The following RBM3 variants were observed in gnomAD, a reference collection of about 807,000 sequenced individuals.
The protein encoded by RBM3 is RNA-binding protein 3.
In RBM3, 3 loss-of-function variants were observed where a neutral mutation model predicts 12.0. The observed-to-expected ratio is 0.25, with a 90% CI of 0.11 to 0.65. The LOEUF (loss-of-function observed/expected upper bound fraction) is 0.65. Among genes scored for constraint, RBM3 ranks in the 30% least tolerant of loss-of-function variants. The probability of loss-of-function intolerance (pLI) is 0.84; values close to 1 mark genes in which losing one functional copy is unlikely to be tolerated. For missense variants in RBM3, 108 were observed against 134.5 expected, an observed-to-expected ratio of 0.80 and a Z score of 0.97; for synonymous variants, 58 against 45.7, an observed-to-expected ratio of 1.27 and a Z score of -1.08.
chrX:48,575,574 G>A lies in RBM3; in HGVS notation c.117G>A (p.Lys39=). Residue 39 remains lysine, a synonymous_variant, in exon 3 of 7, where the codon AAG becomes AAA. Transcript: ENST00000376759. ...FGPISEVVVV[K]DRETQRSRGF... is the part of the protein sequence containing the mutation. ...TCCCTCTCACAGTGGTCGTTGTCAA[G>A]GACCGGGAGACTCAGCGGTCCAGGG... is the stretch of plus-strand genomic sequence containing the variant. 1 of 1,209,809 alleles carries A rather than the reference G, an allele frequency of 8.3e-7. No individual in the cohort carries two copies.
At chrX:48,576,470 G>A (rs2062080508) in intron 4 of RBM3, 38 bp from the exon 5 acceptor site, 1 of 1,196,266 alleles carries the variant, frequency 8.4e-7, no homozygotes, top group African/African-American at 1.7e-5. Flanking sequence ...AGTTGCCTAT[G>A]TGTGGACAAC....
Position 48,576,426 on chromosome X carries a change from G to T in RBM3, c.316+7G>T. ...GGTCGCAGCTACTCTAGAGGTGAGT[G>T]CAGTGATCGTTTTGATCATGGGGTG... On this transcript the variant is annotated splice_region_variant and intron_variant, in intron 4 of 6. Transcript: ENST00000376759. 1 of 1,207,323 alleles carries T rather than the reference G, an allele frequency of 8.3e-7. No individual in the cohort carries two copies. Among genetic ancestry groups the T allele is most frequent in the Admixed American group, 2.2e-5 (1 of 45,616 alleles).
rs2062098704 is a variant in RBM3 at position 48,580,829 on chromosome X, C to A, written c.*3388C>A. Reference sequence around the variant, plus strand: ...TTAAAAAGCTTCTTAAAATAAGTTGCTGTGAATACTTCAGGTATATAAAAA... The same window carrying A: ...TTAAAAAGCTTCTTAAAATAAGTTGATGTGAATACTTCAGGTATATAAAAA... On this transcript the variant is annotated 3_prime_UTR_variant, in exon 7 of 7. Coordinates refer to ENST00000376759, the MANE Select transcript of RBM3 (RefSeq NM_006743.5). The A allele has an allele frequency of 9.0e-6, 1 of 111,539 alleles. No homozygotes were observed. Among genetic ancestry groups the A allele is most frequent in the African/African-American group, 3.3e-5 (1 of 30,612 alleles). 9.2% of individuals were successfully genotyped at this position (111,539 alleles called of 1,213,427 possible).
At chrX:48,576,633 C>G in intron 5 of RBM3, 29 bp downstream of exon 5, 1 of 1,159,904 alleles carries the variant, frequency 8.6e-7, no homozygotes, top group Non-Finnish European at 1.1e-6. Flanking sequence ...GGGATGTTCT[C>G]CTATTGCTTC....
Position 48,574,496 on chromosome X carries a change from C to T in RBM3, c.-91C>T. The stretch of plus-strand genomic sequence containing the variant: ...CTACGTACTCTTTATCAATCGTCTT[C>T]CGGCGCAGCCCCGTCCCTGTTTTTT... On this transcript the variant is annotated 5_prime_UTR_variant, in exon 1 of 7. Transcript: ENST00000376759. 3.0e-6 allele frequency: 1 copy of T among 329,495 alleles called. No homozygotes were observed. The highest frequency in any genetic ancestry group is 5.9e-6 in the Non-Finnish European group (1 of 169,192). 27.2% of individuals were successfully genotyped at this position (329,495 alleles called of 1,213,427 possible).
At chrX:48,575,105 T>C (rs1430535165) in intron 1 of RBM3, 63 bp from the exon 2 acceptor site, 30 of 822,290 alleles carry the variant, frequency 3.6e-5, no homozygotes, top group Middle Eastern at 2.8e-4. Flanking sequence ...TCCGTCTCGC[T>C]ATTTTCTCAC....
At position 48,577,321 on chromosome X, in the gene RBM3, ATCT is replaced by A. The variant is rs1365623560; in HGVS notation, c.*24-140_*24-138del. ...GGGATCTGAAAACCCATCTCCTATA[ATCT>A]TCTACTCTTGTGTGGGATGGAGGAA... On this transcript the variant is annotated intron_variant, in intron 6 of 6. Coordinates refer to ENST00000376759, the MANE Select transcript of RBM3 (RefSeq NM_006743.5). 57 of 932,389 alleles carry A rather than the reference ATCT, an allele frequency of 6.1e-5. 1 individual carries two copies. Among genetic ancestry groups the A allele is most frequent in the Middle Eastern group, 5.4e-4 (2 of 3,676 alleles). 76.8% of individuals were successfully genotyped at this position (932,389 alleles called of 1,213,427 possible).
chrX:48,579,930 G>T lies in RBM3; in HGVS notation c.*2489G>T, dbSNP rs1420886614. ...TCTCTATAGTGCCATAGTCTGTGAT[G>T]AATAAAGTTCCAGATTTGAGGTCAA... On this transcript the variant is annotated 3_prime_UTR_variant, in exon 7 of 7. Coordinates refer to ENST00000376759, the MANE Select transcript of RBM3 (RefSeq NM_006743.5). 2 of 111,241 alleles carry T rather than the reference G, an allele frequency of 1.8e-5. No individual in the cohort carries two copies. The highest frequency in any genetic ancestry group is 3.8e-5 in the Non-Finnish European group (2 of 53,060). The allele number at this position is 111,241 out of a possible 1,213,427, so 9.2% of individuals were successfully genotyped here.
chrX:48,579,223 AG>A lies in RBM3; in HGVS notation c.*1783del, dbSNP rs1339301923. The stretch of plus-strand genomic sequence containing the variant: ...CCCTCCATTGGTTCTAGTTTGGAAC[AG>A]AAAAATCTGTTGTATTCATGGCTTT... On this transcript the variant is annotated 3_prime_UTR_variant, in exon 7 of 7. Transcript: ENST00000376759. Among the ~76,000 whole-genome samples, 130 of 111,856 alleles carry A rather than the reference AG, an allele frequency of 1.2e-3. No homozygotes were observed. The highest frequency in any genetic ancestry group is 2.1e-3 in the Non-Finnish European group (111 of 53,152).
intron 5 of RBM3, 137 bp from the exon 6 acceptor site, chrX:48,576,889 T>G: frequency 1.2e-6 from 1 of 812,576 alleles, no homozygotes; most frequent in Non-Finnish European, 1.7e-6. Context: ...ACTGTGATAC[T>G]CATATGCTTA....
intron 6 of RBM3, 64 bp from the exon 7 acceptor site, chrX:48,577,401 A>AGG: frequency 1.2e-6 from 1 of 861,581 alleles, no homozygotes; most frequent in Non-Finnish European, 1.6e-6. Flanking sequence ...CAGCTCTAGG[A>AGG]GGTGAGCATG....
Position 48,577,013 on chromosome X carries a change from T to TC in RBM3, c.414-13_414-12insC, listed in dbSNP as rs35966801. The stretch of plus-strand genomic sequence containing the variant: ...GTACCAGAAAACTTTTGTGTGTTTT[T>TC]TTTCCCCCCCAGAAACCAGGGTGGT... On this transcript the variant is annotated splice_polypyrimidine_tract_variant and intron_variant, in intron 5 of 6. Transcript: ENST00000376759. 1 of 1,199,584 alleles carries TC rather than the reference T, an allele frequency of 8.3e-7. No individual in the cohort carries two copies. Among genetic ancestry groups the TC allele is most frequent in the African/African-American group, 1.8e-5 (1 of 55,706 alleles).
chrX:48,574,824 G>A (rs1556988829), intron 1 of RBM3: 2 of 346,464 alleles, frequency 5.8e-6, no homozygotes, highest in Admixed American at 6.1e-5. Context: ...CGCGACAGCC[G>A]ACACTTACTT....
Position 48,578,151 on chromosome X carries a change from T to G in RBM3, c.*710T>G, listed in dbSNP as rs1224756151. The G allele has an allele frequency of 9.0e-6, 1 of 111,131 alleles. No homozygotes were observed. 9.2% of individuals were successfully genotyped at this position (111,131 alleles called of 1,213,427 possible). A position where few individuals can be genotyped will look rare whatever the true frequency, so the allele number is the denominator to read the frequency against. ...TTCTAATTCAGATCATCAAACTGAT[T>G]ATATAGAAGAGTTGGCTTTAAAATG... is the stretch of plus-strand genomic sequence containing the variant. On this transcript the variant is annotated 3_prime_UTR_variant, in exon 7 of 7. Coordinates refer to ENST00000376759, the MANE Select transcript of RBM3 (RefSeq NM_006743.5).
Position 48,578,630 on chromosome X carries a change from T to C in RBM3, c.*1189T>C, listed in dbSNP as rs235827. On this transcript the variant is annotated 3_prime_UTR_variant, in exon 7 of 7. Transcript: ENST00000376759. ...GCTTGGAGAATATTTGGTTGGTGGG[T>C]GGGCAGGGACTGCCAGAGGGTTAGG... 51,180 of 109,162 alleles carry C rather than the reference T, an allele frequency of 0.47. 9,639 individuals carry two copies. Among genetic ancestry groups the C allele is most frequent in the Middle Eastern group, 0.58 (121 of 207 alleles). The allele number at this position is 109,162 out of a possible 1,213,427, so 9.0% of individuals were successfully genotyped here.
intron 3 of RBM3, 28 bp from the exon 4 acceptor site, chrX:48,576,286 C>G: frequency 8.3e-7 from 1 of 1,198,548 alleles, no homozygotes; most frequent in Admixed American, 2.3e-5. Flanking sequence ...GACTGCCAAC[C>G]CATCATCCTT....
chrX:48,574,731 T>A (rs782092541), intron 1 of RBM3, 158 bp downstream of exon 1: 1 of 331,790 alleles, frequency 3.0e-6, no homozygotes, highest in South Asian at 2.6e-5. Flanking sequence ...GTGAAACATT[T>A]CGGTTGGTGG....
At chrX:48,574,793 C>T (rs1276840899) in intron 1 of RBM3, 1 of 335,028 alleles carries the variant, frequency 3.0e-6, no homozygotes, top group Non-Finnish European at 5.8e-6. Flanking sequence ...GGACTGGTGG[C>T]GTCGGTGGTG....
In RBM3 at chrX:48,575,534, TTGCTCCATCTTCTCTCC is replaced by T; in HGVS notation, c.104-26_104-10del. ...CCTTTGGGGTACTGACTGGTCCACA[TTGCTCCATCTTCTCTCC>T]CTCTCACAGTGGTCGTTGTCAAGGA... is the stretch of plus-strand genomic sequence containing the variant. On this transcript the variant is annotated splice_polypyrimidine_tract_variant and intron_variant, in intron 2 of 6. Transcript: ENST00000376759. 2 of 1,169,395 alleles carry T rather than the reference TTGCTCCATCTTCTCTCC, an allele frequency of 1.7e-6. No homozygotes were observed. Among genetic ancestry groups the T allele is most frequent in the East Asian group, 6.0e-5 (2 of 33,596 alleles).
Sources: gnomAD v4.1 joint callset for allele counts (sites outside exome capture counted in the v4.1 genomes callset) on GRCh38, gnomAD v4.1.1 for gene constraint, MANE v1.5 for transcripts, NCBI Gene and HGNC (gene_info 2026-07-23, HGNC 2026-07-21) for gene names.